Variants in ANKH observed in about 807,000 individuals in gnomAD.
ANKH encodes the protein ANKH inorganic pyrophosphate transport regulator.
In ANKH, 15 loss-of-function variants were observed where a neutral mutation model predicts 49.0. The ratio of observed to expected loss-of-function variants is 0.31; its 90% CI spans 0.20 to 0.47. The LOEUF (loss-of-function observed/expected upper bound fraction) is 0.47, where lower values mean the gene tolerates loss of function less well. Among genes scored for constraint, ANKH ranks in the 20% least tolerant of loss-of-function variants. ANKH has a pLI of 1.00. For synonymous variants in ANKH, 273 were observed against 260.0 expected, an observed-to-expected ratio of 1.05 and a Z score of -0.48; for missense variants, 429 against 652.0, an observed-to-expected ratio of 0.66 and a Z score of 3.72.
Position 14,711,231 on chromosome 5 carries a change from G to T in ANKH, c.1445C>A (p.Thr482Lys). Residue 482 changes from threonine to lysine, a missense_variant, in exon 12 of 12, where the codon ACA (threonine) becomes AAA (lysine). Coordinates refer to ENST00000284268, the MANE Select transcript of ANKH (RefSeq NM_054027.6). ...CTCCTCTCTCATTTCCACGATGTCT[G>T]TCACCTCCTCTGTCGGAGGCATGTC... ...MTDMPPTEEV[T>K]DIVEMREENE The T allele has an allele frequency of 6.2e-7, 1 of 1,614,070 alleles. No individual in the cohort carries two copies. Among genetic ancestry groups the T allele is most frequent in the East Asian group, 2.2e-5 (1 of 44,860 alleles).
intron 1 of ANKH, among the ~76,000 whole-genome samples, chr5:14,826,762 A>G (rs1490065305): frequency 1.3e-5 from 2 of 152,238 alleles, no homozygotes; most frequent in Non-Finnish European, 2.9e-5. Context: ...AAACTGAAAA[A>G]TGTTTCTGCT....
chr5:14,711,502 C>T (rs1737203606), intron 11 of ANKH, among the ~76,000 whole-genome samples, 192 bp from the exon 12 acceptor site: 1 of 152,050 alleles, frequency 6.6e-6, no homozygotes, highest in African/African-American at 2.4e-5. Flanking sequence ...TGTCTGTGTG[C>T]CTGCTGTGTG....
intron 1 of ANKH, among the ~76,000 whole-genome samples, chr5:14,818,063 C>T (rs958738790): frequency 2.8e-5 from 2 of 72,622 alleles, no homozygotes; most frequent in African/African-American, 5.4e-5. Context: ...GACTTTGTCT[C>T]AAAAAAAAAA....
intron 1 of ANKH, among the ~76,000 whole-genome samples, chr5:14,780,013 A>G (rs1739757378): frequency 6.6e-6 from 1 of 151,802 alleles, no homozygotes; most frequent in South Asian, 2.1e-4. Context: ...GTTAGTTGCC[A>G]TGAGGAAGAA....
chr5:14,717,680 T>TA (rs1233887339), intron 8 of ANKH, among the ~76,000 whole-genome samples: 1 of 152,190 alleles, frequency 6.6e-6, no homozygotes, highest in African/African-American at 2.4e-5. Flanking sequence ...AACAGAGGGG[T>TA]ACCTGGCATG....
chr5:14,743,736 G>A (rs1705056517), intron 7 of ANKH, among the ~76,000 whole-genome samples: 1 of 152,182 alleles, frequency 6.6e-6, no homozygotes, highest in South Asian at 2.1e-4. Context: ...TCGCTGGAAT[G>A]CTTGGAAACA....
intron 1 of ANKH, among the ~76,000 whole-genome samples, chr5:14,791,533 TA>T (rs567345062): frequency 2.6e-5 from 4 of 151,958 alleles, no homozygotes; most frequent in Admixed American, 1.3e-4. Flanking sequence ...TCCCTTGTTG[TA>T]AAAAAAATGC....
In ANKH at chr5:14,716,835, G is replaced by C. The variant is rs905659141; in HGVS notation, c.1012C>G (p.Leu338Val). ...GGTGTCCAAAACATCACGAAACAGA[G>C]CTGGGGAGAAAGACATCAAACAGGG... ...TFVCMALSLT[L>V]CFVMFWTPNV... The change falls in exon 9 of 12, where the codon CTC becomes GTC. Residue 338 changes from leucine to valine, a missense_variant and splice_region_variant. By Grantham distance (32) the Leu-to-Val change is conservative. Transcript: ENST00000284268. The C allele has an allele frequency of 6.2e-7, 1 of 1,613,930 alleles. No individual in the cohort carries two copies. The highest frequency in any genetic ancestry group is 8.5e-7 in the Non-Finnish European group (1 of 1,179,824).
intron 5 of ANKH, among the ~76,000 whole-genome samples, chr5:14,750,475 G>A (rs1738676520): frequency 1.3e-5 from 2 of 152,154 alleles, no homozygotes; most frequent in African/African-American, 4.8e-5. Context: ...CCTCATGCAG[G>A]TGATGTGCTG....
intron 8 of ANKH, among the ~76,000 whole-genome samples, chr5:14,726,573 T>C (rs995691218): frequency 1.3e-5 from 2 of 151,836 alleles, no homozygotes; most frequent in African/African-American, 4.8e-5. Context: ...GGAGGGAGGC[T>C]GGAGGCGTGG....
rs777353269 is a variant in ANKH at position 14,745,988 on chromosome 5, TAGC to T, written c.823-29_823-27del. 7 of 1,598,484 alleles carry T rather than the reference TAGC, an allele frequency of 4.4e-6. No homozygotes were observed. The Admixed American group carries it at 1.2e-4, about 27-fold the overall frequency. On this transcript the variant is annotated intron_variant, in intron 6 of 11. Transcript: ENST00000284268. This position sits in a 1 kb window ranked among gnomAD's most constrained non-coding sequence, Gnocchi z 4.7. Reference sequence around the variant, plus strand: ...CTGCAACAGGAAGAGGTGGCAGAGTTAGCAGGGTACCAGCAGGAAGTCCTCCAG... The same window carrying T: ...CTGCAACAGGAAGAGGTGGCAGAGTTAGGGTACCAGCAGGAAGTCCTCCAG...
chr5:14,852,767 C>G (rs1017859462), intron 1 of ANKH, among the ~76,000 whole-genome samples: 4 of 152,194 alleles, frequency 2.6e-5, no homozygotes, highest in Admixed American at 2.0e-4. Context: ...TCACGTGCAA[C>G]TGGAAGAATG....
intron 1 of ANKH, among the ~76,000 whole-genome samples, chr5:14,796,684 T>A (rs1185367806): frequency 6.6e-6 from 1 of 152,184 alleles, no homozygotes; most frequent in Non-Finnish European, 1.5e-5. Flanking sequence ...AGTAGGAATC[T>A]ATATGACTTG....
intron 8 of ANKH, among the ~76,000 whole-genome samples, chr5:14,726,932 C>T (rs73048835): frequency 0.048 from 7,334 of 152,308 alleles, 197 homozygotes; most frequent in South Asian, 0.068. Context: ...GTTCCCGATA[C>T]AGCACGTGAG....
At chr5:14,863,403 C>T (rs1417291735) in intron 1 of ANKH, among the ~76,000 whole-genome samples, 2 of 152,046 alleles carry the variant, frequency 1.3e-5, no homozygotes, top group Non-Finnish European at 2.9e-5. Context: ...TCCAAAGATG[C>T]TATGTTATGA....
At chr5:14,752,457 T>A (rs1485875991) in intron 4 of ANKH, among the ~76,000 whole-genome samples, 1 of 152,202 alleles carries the variant, frequency 6.6e-6, no homozygotes, top group African/African-American at 2.4e-5. Flanking sequence ...TGTTTATATC[T>A]CTATTCAATG....
chr5:14,827,141 G>A (rs1741367989), intron 1 of ANKH, among the ~76,000 whole-genome samples: 1 of 152,180 alleles, frequency 6.6e-6, no homozygotes, highest in Non-Finnish European at 1.5e-5. Context: ...CTGGCAGTTC[G>A]CACACTCCAG....
intron 1 of ANKH, among the ~76,000 whole-genome samples, chr5:14,824,067 T>C (rs1334244617): frequency 6.6e-6 from 1 of 152,138 alleles, no homozygotes; most frequent in Non-Finnish European, 1.5e-5. Context: ...CTCAGATAGC[T>C]GTGACTGCAG....
intron 1 of ANKH, among the ~76,000 whole-genome samples, chr5:14,815,675 A>T (rs1741013662): frequency 1.3e-5 from 2 of 152,206 alleles, no homozygotes. Flanking sequence ...ATGCAATAAT[A>T]ACCACTCCCA....
Sources: gnomAD v4.1 joint callset for allele counts (sites outside exome capture counted in the v4.1 genomes callset) on GRCh38, gnomAD v4.1.1 for gene constraint, Gnocchi (gnomAD v3.1) non-coding constraint, MANE v1.5 for transcripts, NCBI Gene and HGNC (gene_info 2026-07-23, HGNC 2026-07-21) for gene names.